Variants in SEMA3A observed in about 807,000 individuals in gnomAD.
The protein encoded by SEMA3A is semaphorin 3A, also known as semaphorin-3A.
SEMA3A carries 29 observed loss-of-function variants against 97.9 expected under a neutral mutation model. The observed-to-expected ratio is 0.30, with a 90% CI of 0.22 to 0.40. The LOEUF is 0.40. Among genes scored for constraint, SEMA3A ranks in the 10% least tolerant of loss-of-function variants. The probability of loss-of-function intolerance (pLI) is 1.00; values close to 1 mark genes in which losing one functional copy is unlikely to be tolerated. For synonymous variants in SEMA3A, 321 were observed against 323.7 expected, an observed-to-expected ratio of 0.99 and a Z score of 0.09; for missense variants, 763 against 951.3, an observed-to-expected ratio of 0.80 and a Z score of 2.60.
chr7:84,358,173 A>G (rs1027810364), intron 2 of SEMA3A, among the ~76,000 whole-genome samples: 46 of 152,114 alleles, frequency 3.0e-4, no homozygotes, highest in African/African-American at 8.9e-4. Context: ...GGCTTTTGTT[A>G]CCATTGCTTT....
chr7:84,079,207 TG>T (rs1209593482), intron 4 of SEMA3A, among the ~76,000 whole-genome samples: 1 of 152,110 alleles, frequency 6.6e-6, no homozygotes, highest in East Asian at 1.9e-4. Flanking sequence ...TAATTCAAGA[TG>T]GATTAAAGAC....
intron 3 of SEMA3A, among the ~76,000 whole-genome samples, chr7:84,121,269 G>T (rs1052693714): frequency 2.0e-5 from 3 of 152,038 alleles, no homozygotes; most frequent in African/African-American, 7.2e-5. Flanking sequence ...GTGCAGGTTT[G>T]TTACATATGT....
At chr7:84,474,213 G>T (rs1236940204) in intron 1 of SEMA3A, among the ~76,000 whole-genome samples, 1 of 152,184 alleles carries the variant, frequency 6.6e-6, no homozygotes, top group Non-Finnish European at 1.5e-5. Flanking sequence ...TTTTAAGTGA[G>T]AAAACGAATA....
chr7:84,363,386 T>C (rs1312926349), intron 2 of SEMA3A, among the ~76,000 whole-genome samples: 1 of 151,912 alleles, frequency 6.6e-6, no homozygotes, highest in Non-Finnish European at 1.5e-5. Context: ...CGAAAATATA[T>C]ACCCAGGTGC....
intron 3 of SEMA3A, among the ~76,000 whole-genome samples, chr7:84,252,447 T>C (rs1799630123): frequency 6.6e-6 from 1 of 152,212 alleles, no homozygotes. Flanking sequence ...GAGTCTGCTA[T>C]AGCACACACA....
At chr7:84,312,330 C>T (rs1801346513) in intron 2 of SEMA3A, among the ~76,000 whole-genome samples, 1 of 151,698 alleles carries the variant, frequency 6.6e-6, no homozygotes, top group African/African-American at 2.4e-5. Context: ...TCTACATCAG[C>T]CTGGACAAAT....
intron 1 of SEMA3A, among the ~76,000 whole-genome samples, chr7:84,463,543 T>C (rs938124152): frequency 1.1e-4 from 16 of 152,108 alleles, no homozygotes; most frequent in South Asian, 2.1e-4. Flanking sequence ...CCACCGCGCC[T>C]GGCGTTTTTT....
intron 4 of SEMA3A, among the ~76,000 whole-genome samples, chr7:84,069,141 T>C (rs540385751): frequency 6.6e-6 from 1 of 152,228 alleles, no homozygotes; most frequent in East Asian, 1.9e-4. Context: ...AAAATGACAC[T>C]TCTTACACAT....
Position 84,014,297 on chromosome 7 carries a change from TC to T in SEMA3A, c.721del (p.Asp241ThrfsTer12). ...TTCACGGAAGAAAAAGTATACTTTGTCATCTTCAGGATTGTCACTCTCTGAG... is the reference window on the plus strand; with the variant it reads ...TTCACGGAAGAAAAAGTATACTTTGTATCTTCAGGATTGTCACTCTCTGAG... The part of the protein sequence containing the change: ...LISESDNPED[D>X]KVYFFFRENA... On this transcript the variant is annotated frameshift_variant, in exon 7 of 17. Transcript: ENST00000265362. LOFTEE classifies it high-confidence loss of function. The T allele has an allele frequency of 6.2e-7, 1 of 1,613,180 alleles. No individual in the cohort carries two copies.
intron 4 of SEMA3A, among the ~76,000 whole-genome samples, chr7:84,105,880 C>A (rs1211765164): frequency 6.6e-6 from 1 of 152,160 alleles, no homozygotes; most frequent in Non-Finnish European, 1.5e-5. Context: ...ATGAACTCTG[C>A]AAGCATTTTA....
At chr7:84,235,387 A>AG (rs1392121272) in intron 3 of SEMA3A, among the ~76,000 whole-genome samples, 1 of 151,998 alleles carries the variant, frequency 6.6e-6, no homozygotes, top group African/African-American at 2.4e-5. Context: ...AATTGTATGT[A>AG]TTTTGTAGTT....
At chr7:84,448,613 T>C (rs924147963) in intron 1 of SEMA3A, among the ~76,000 whole-genome samples, 4 of 151,292 alleles carry the variant, frequency 2.6e-5, no homozygotes, top group South Asian at 4.2e-4. Flanking sequence ...AACAAGAAAG[T>C]CAAAGAATTA....
Position 84,085,071 on chromosome 7 carries a change from AT to A in SEMA3A, c.454-24514del, listed in dbSNP as rs35914657. Among the ~76,000 whole-genome samples the A allele has an allele frequency of 7.4e-3, 1,119 of 151,318 alleles. 12 individuals are homozygous for A. The highest frequency in any genetic ancestry group is 0.022 in the African/African-American group (895 of 41,308). ...GGGATCTAATCACAATGGTAAGAGAATTTTTTTTTTCTTTATACATACATTT... is the reference window on the plus strand; with the variant it reads ...GGGATCTAATCACAATGGTAAGAGAATTTTTTTTTCTTTATACATACATTT... On this transcript the variant is annotated intron_variant, in intron 4 of 16. Coordinates refer to ENST00000265362, the MANE Select transcript of SEMA3A (RefSeq NM_006080.3).
At chr7:84,002,667 T>C (rs975665360) in intron 11 of SEMA3A, among the ~76,000 whole-genome samples, 7 of 152,182 alleles carry the variant, frequency 4.6e-5, no homozygotes, top group African/African-American at 1.7e-4. Flanking sequence ...AATAACCCGA[T>C]TTCTCAAAGT....
At chr7:84,078,033 T>C (rs1231758131) in intron 4 of SEMA3A, among the ~76,000 whole-genome samples, 2 of 152,104 alleles carry the variant, frequency 1.3e-5, no homozygotes. Context: ...GTGACAACTA[T>C]TTAAGATGTG....
rs572815512 is a variant in SEMA3A at position 84,435,277 on chromosome 7, A to ACT, written c.-246+57182_-246+57183insAG. Among the ~76,000 whole-genome samples, 33 of 152,102 alleles carry ACT rather than the reference A, an allele frequency of 2.2e-4. No homozygotes were observed. In the South Asian group the frequency reaches 6.9e-3, roughly 32 times the overall value. On this transcript the variant is annotated intron_variant, in intron 1 of 3. Transcript: ENST00000424555. ...GCTACACACACACACACACACACAC[A>ACT]CACTACCTGGGAACACATCTGTCCA...
intron 15 of SEMA3A, among the ~76,000 whole-genome samples, chr7:83,966,937 C>T (rs1313481702): frequency 2.0e-5 from 3 of 152,038 alleles, no homozygotes; most frequent in Admixed American, 6.5e-5. Flanking sequence ...TCTTGAACTC[C>T]CGACCTCAGG....
intron 1 of SEMA3A, among the ~76,000 whole-genome samples, chr7:84,415,117 T>C (rs1804397013): frequency 6.6e-6 from 1 of 152,086 alleles, no homozygotes; most frequent in Non-Finnish European, 1.5e-5. Flanking sequence ...GGATTAGATA[T>C]AAAACTAGAG....
intron 1 of SEMA3A, among the ~76,000 whole-genome samples, chr7:84,411,033 A>G (rs1379020895): frequency 2.0e-5 from 3 of 152,060 alleles, no homozygotes; most frequent in African/African-American, 7.2e-5. Context: ...TCAGTAGGTC[A>G]GTGTATTAGC....
Sources: allele counts gnomAD v4.1 joint callset (sites outside exome capture counted in the v4.1 genomes callset), GRCh38; gene constraint gnomAD v4.1.1; transcripts MANE v1.5; gene names NCBI Gene and HGNC (gene_info 2026-07-23, HGNC 2026-07-21).